The following ALOX15 variants were observed in gnomAD, a reference collection of about 807,000 sequenced individuals.
ALOX15 encodes the protein polyunsaturated fatty acid lipoxygenase ALOX15.
A neutral mutation model predicts 71.7 loss-of-function variants in ALOX15; 68 were observed. The observed-to-expected ratio is 0.95, with a 90% confidence interval of 0.78 to 1.16. The LOEUF (loss-of-function observed/expected upper bound fraction) is 1.16, where lower values mean the gene tolerates loss of function less well. Among genes scored for constraint, ALOX15 ranks in the 50% most tolerant of loss-of-function variants. The pLI, the probability that ALOX15 is intolerant of heterozygous loss-of-function variation, is 0.00. For synonymous variants in ALOX15, 346 were observed against 333.3 expected, an observed-to-expected ratio of 1.04 and a Z score of -0.42; for missense variants, 798 against 818.8, an observed-to-expected ratio of 0.97 and a Z score of 0.31.
intron 8 of ALOX15, among the ~76,000 whole-genome samples, chr17:4,634,673 G>A (rs1390385392): frequency 1.3e-5 from 2 of 151,692 alleles, no homozygotes; most frequent in Admixed American, 6.6e-5. Context: ...CATTATATCT[G>A]TGCTATATAA....
chr17:4,633,647 G>C (rs1910993548), intron 8 of ALOX15, 147 bp from the exon 9 acceptor site: 2 of 645,696 alleles, frequency 3.1e-6, no homozygotes, highest in Admixed American at 2.8e-5. Flanking sequence ...TGAGTTTTCA[G>C]AAGTACCATT....
At chr17:4,639,320 G>T (rs1445334769) in intron 2 of ALOX15, 110 bp downstream of exon 2, 10 of 1,405,276 alleles carry the variant, frequency 7.1e-6, no homozygotes, top group Non-Finnish European at 9.7e-6. Flanking sequence ...CAAAGACCCC[G>T]GCGCTCCAGG....
intron 2 of ALOX15, 133 bp from the exon 3 acceptor site, chr17:4,639,265 C>G: frequency 1.4e-6 from 2 of 1,395,934 alleles, no homozygotes; most frequent in East Asian, 4.6e-5. Context: ...CCCCCAGGCT[C>G]CAGCCACTTT....
chr17:4,638,000 AC>A (rs1226870694), intron 6 of ALOX15, among the ~76,000 whole-genome samples: 7 of 152,280 alleles, frequency 4.6e-5, no homozygotes, highest in Non-Finnish European at 7.3e-5. Flanking sequence ...GTTTCTATCA[AC>A]CATTCCATCT....
intron 8 of ALOX15, among the ~76,000 whole-genome samples, chr17:4,634,469 CCTTTT>C (rs1911021965): frequency 6.6e-6 from 1 of 151,088 alleles, no homozygotes; most frequent in African/African-American, 2.4e-5. Flanking sequence ...TGCCTGGCCT[CCTTTT>C]CTTTTCATAT....
Position 4,631,782 on chromosome 17 carries a change from G to A in ALOX15, c.1810-3C>T, listed in dbSNP as rs975306397. 87 of 1,613,802 alleles carry A rather than the reference G, an allele frequency of 5.4e-5. No homozygotes were observed. The highest frequency in any genetic ancestry group is 7.3e-5 in the Non-Finnish European group (86 of 1,179,948). The stretch of plus-strand genomic sequence containing the variant: ...TCCTCATGCTGGCCCACAGCCACCT[G>A]GGAGGGAGAGGAAAAGGTGGCTGAG... On this transcript the variant is annotated splice_polypyrimidine_tract_variant and splice_region_variant and intron_variant, in intron 13 of 13. Coordinates refer to ENST00000293761, the MANE Select transcript of ALOX15 (RefSeq NM_001140.5).
In ALOX15 at chr17:4,639,426, T is replaced by C; in HGVS notation, c.337+4A>G. Reference sequence around the variant, plus strand: ...CCTCCTGACACCCTCAGCCCCGCGCTTACCGGTGCCTTCAGGCAGGCTCAG... The same window carrying C: ...CCTCCTGACACCCTCAGCCCCGCGCCTACCGGTGCCTTCAGGCAGGCTCAG... On this transcript the variant is annotated splice_donor_region_variant and intron_variant, in intron 2 of 13. Transcript: ENST00000293761. 1 of 1,613,294 alleles carries C rather than the reference T, an allele frequency of 6.2e-7. No individual in the cohort carries two copies. The highest frequency in any genetic ancestry group is 8.5e-7 in the Non-Finnish European group (1 of 1,179,878).
At chr17:4,637,529 A>G (rs1344318596) in intron 6 of ALOX15, among the ~76,000 whole-genome samples, 1 of 151,996 alleles carries the variant, frequency 6.6e-6, no homozygotes, top group Admixed American at 6.6e-5. Context: ...TCAGCCTCCC[A>G]AGTAGCTGGG....
At chr17:4,632,347 C>T in intron 11 of ALOX15, 66 bp from the exon 12 acceptor site, 2 of 1,322,974 alleles carry the variant, frequency 1.5e-6, no homozygotes, top group Non-Finnish European at 2.2e-6. Context: ...GAGGAAGAGG[C>T]CAAGAGAGGA....
intron 8 of ALOX15, among the ~76,000 whole-genome samples, chr17:4,634,198 T>C (rs1034631524): frequency 6.6e-6 from 1 of 152,180 alleles, no homozygotes; most frequent in Non-Finnish European, 1.5e-5. Context: ...TAAAAATAAA[T>C]ACATAAAAAT....
chr17:4,637,331 G>A (rs762815468), intron 6 of ALOX15, 73 bp from the exon 7 acceptor site: 44 of 1,503,074 alleles, frequency 2.9e-5, no homozygotes, highest in Non-Finnish European at 3.9e-5. Flanking sequence ...CCTCCAAGGG[G>A]GAAGAGAGTG....
chr17:4,638,087 A>T (rs1597432085), intron 6 of ALOX15, 130 bp downstream of exon 6: 5 of 609,348 alleles, frequency 8.2e-6, no homozygotes, highest in Non-Finnish European at 1.2e-5. Context: ...GTCCCTCAGG[A>T]CCTCTCCTGC....
chr17:4,636,656 G>C (rs1911111522), intron 7 of ALOX15, among the ~76,000 whole-genome samples: 1 of 152,112 alleles, frequency 6.6e-6, no homozygotes, highest in Non-Finnish European at 1.5e-5. Flanking sequence ...CGTGCCCACA[G>C]CACGTTTCAT....
chr17:4,641,441 G>A (rs1441903353), intron 1 of ALOX15, 76 bp downstream of exon 1: 5 of 1,545,480 alleles, frequency 3.2e-6, no homozygotes, highest in Admixed American at 2.0e-5. Flanking sequence ...GCCAACGGGG[G>A]CGCATGTCCT....
At chr17:4,632,457 G>C (rs1326070563) in intron 11 of ALOX15, among the ~76,000 whole-genome samples, 176 bp from the exon 12 acceptor site, 1 of 152,198 alleles carries the variant, frequency 6.6e-6, no homozygotes, top group African/African-American at 2.4e-5. Flanking sequence ...TCTGCCGGGA[G>C]GGTCCCACTC....
At position 4,637,100 on chromosome 17, in the gene ALOX15, C is replaced by G; in HGVS notation, c.951+15G>C. 6.3e-7 allele frequency: 1 copy of G among 1,599,836 alleles called. No individual in the cohort carries two copies. The highest frequency in any genetic ancestry group is 1.7e-5 in the Admixed American group (1 of 58,324). On this transcript the variant is annotated intron_variant, in intron 7 of 13. Coordinates refer to ENST00000293761, the MANE Select transcript of ALOX15 (RefSeq NM_001140.5). ...AAAGCCAGAGACTGGGAGCAGAAAT[C>G]CTGAGTCCTCTCACCTGGATGACCA...
In ALOX15 at chr17:4,633,337, G is replaced by A. The variant is rs746739454; in HGVS notation, c.1249-22C>T. On this transcript the variant is annotated intron_variant, in intron 9 of 13. Transcript: ENST00000293761. ...TTATCTGAGAAGTGAGGGTGAGCAG[G>A]GTCAGGCGAATCGACCTGCCCTGAA... The A allele has an allele frequency of 2.5e-6, 4 of 1,611,472 alleles. No homozygotes were observed. In the Admixed American group the frequency reaches 6.7e-5, roughly 27 times the overall value.
Position 4,637,237 on chromosome 17 carries a change from C to G in ALOX15, c.829G>C (p.Asp277His). 1 of 1,613,148 alleles carries G rather than the reference C, an allele frequency of 6.2e-7. No individual in the cohort carries two copies. Among genetic ancestry groups the G allele is most frequent in the South Asian group, 1.1e-5 (1 of 90,926 alleles). ...ELEGGTLFEA[D>H]FSLLDGIKAN... ...TTGATCCCATCCAGCAGGGAGAAGT[C>G]AGCTTCGAACAGTGTGCCTCCCTGG... The change falls in exon 7 of 14, where the codon GAC becomes CAC. Residue 277 changes from aspartate (D) to histidine (H), a missense_variant. Asp to His is a moderately conservative substitution (Grantham distance 81). Coordinates refer to ENST00000293761, the MANE Select transcript of ALOX15 (RefSeq NM_001140.5).
chr17:4,631,864 A>G, intron 13 of ALOX15, 25 bp downstream of exon 13: 18 of 1,607,588 alleles, frequency 1.1e-5, no homozygotes, highest in Non-Finnish European at 1.5e-5. Context: ...CTCCTTCCTT[A>G]GGGCCCTGGG....
Sources: allele counts gnomAD v4.1 joint callset (sites outside exome capture counted in the v4.1 genomes callset), GRCh38; gene constraint gnomAD v4.1.1; transcripts MANE v1.5; gene names NCBI Gene and HGNC (gene_info 2026-07-23, HGNC 2026-07-21).